OSBPL8: variants seen among roughly 807,000 people sequenced by gnomAD.
OSBPL8 encodes oxysterol-binding protein-related protein 8.
A neutral mutation model predicts 125.5 loss-of-function variants in OSBPL8; 59 were observed. The ratio of observed to expected loss-of-function variants is 0.47; its 90% CI spans 0.38 to 0.58. The LOEUF is 0.58. Ranked by LOEUF, OSBPL8 falls within the 20% of genes least tolerant of loss-of-function variation. OSBPL8 has a pLI of 0.00. For synonymous variants in OSBPL8, 330 were observed against 338.9 expected, an observed-to-expected ratio of 0.97 and a Z score of 0.29; for missense variants, 758 against 1,047.8, an observed-to-expected ratio of 0.72 and a Z score of 3.82.
chr12:76,457,247 A>T (rs1874167599), intron 3 of OSBPL8, among the ~76,000 whole-genome samples: 1 of 152,202 alleles, frequency 6.6e-6, no homozygotes, highest in Non-Finnish European at 1.5e-5. Flanking sequence ...TGTACTAGTT[A>T]ATGTTATGTA....
chr12:76,386,527 T>C, intron 13 of OSBPL8, 52 bp downstream of exon 13: 2 of 1,477,028 alleles, frequency 1.4e-6, no homozygotes, highest in Non-Finnish European at 1.8e-6. Context: ...ACATAAAATA[T>C]AAAGAATTCA....
At position 76,355,826 on chromosome 12, in the gene OSBPL8, T is replaced by C. The variant is rs1360934859; in HGVS notation, c.*63A>G. The C allele has an allele frequency of 1.3e-6, 2 of 1,544,156 alleles. No individual in the cohort carries two copies. Among genetic ancestry groups the C allele is most frequent in the Non-Finnish European group, 1.7e-6 (2 of 1,144,036 alleles). On this transcript the variant is annotated 3_prime_UTR_variant, in exon 24 of 24. Coordinates refer to ENST00000261183, the MANE Select transcript of OSBPL8 (RefSeq NM_020841.5). ...GATTTTTAATAAAGACCAAACCAAC[T>C]TGAACACTGGTCCCAGGCCAAATCA...
chr12:76,544,668 T>C (rs936237421), intron 1 of OSBPL8, among the ~76,000 whole-genome samples: 5 of 152,100 alleles, frequency 3.3e-5, no homozygotes, highest in Non-Finnish European at 5.9e-5. Context: ...TTAAGAAATG[T>C]AACAAATTTT....
chr12:76,388,607 A>C (rs939491779), intron 12 of OSBPL8, among the ~76,000 whole-genome samples: 1 of 152,194 alleles, frequency 6.6e-6, no homozygotes, highest in African/African-American at 2.4e-5. Context: ...AAACAACAAT[A>C]ACTTACTATA....
At chr12:76,359,552 A>C (rs1002504953) in intron 21 of OSBPL8, among the ~76,000 whole-genome samples, 5 of 152,348 alleles carry the variant, frequency 3.3e-5, no homozygotes, top group African/African-American at 1.2e-4. Context: ...AGAAACTAGA[A>C]TCAGAAAGAC....
intron 4 of OSBPL8, among the ~76,000 whole-genome samples, chr12:76,436,671 C>T (rs1194424869): frequency 5.9e-5 from 9 of 152,132 alleles, no homozygotes; most frequent in East Asian, 1.9e-4. Flanking sequence ...TGGTAGTATA[C>T]TCATTTTTTT....
At position 76,397,765 on chromosome 12, in the gene OSBPL8, G is replaced by A; in HGVS notation, c.601C>T (p.Arg201Cys). Residue 201 changes from arginine (R) to cysteine (C), a missense_variant, in exon 8 of 24, where the codon CGT (arginine) becomes TGT (cysteine). Coordinates refer to ENST00000261183, the MANE Select transcript of OSBPL8 (RefSeq NM_020841.5). ...VLLNACEIIE[R>C]PSKKDGFCFK... is the part of the protein sequence containing the mutation. ...CAAAAGCCATCCTTTTTTGATGGAC[G>A]TTCAATGATTTCACAGGCATTCAGA... The A allele has an allele frequency of 6.2e-7, 1 of 1,613,964 alleles. No homozygotes were observed. The highest frequency in any genetic ancestry group is 8.5e-7 in the Non-Finnish European group (1 of 1,179,952).
At chr12:76,541,532 T>C (rs1355695865) in intron 1 of OSBPL8, among the ~76,000 whole-genome samples, 1 of 151,946 alleles carries the variant, frequency 6.6e-6, no homozygotes, top group Non-Finnish European at 1.5e-5. Context: ...TGTAAATGCA[T>C]ACTGCTTCAA....
At chr12:76,487,021 AT>A (rs63178360) in intron 2 of OSBPL8, among the ~76,000 whole-genome samples, 1,026 of 101,866 alleles carry the variant, frequency 0.01, 4 homozygotes, top group Middle Eastern at 0.039. Flanking sequence ...TGCAATTTTC[AT>A]TTTTTTTTTT....
chr12:76,366,560 A>T, intron 21 of OSBPL8: 1 of 447,814 alleles, frequency 2.2e-6, no homozygotes, highest in Non-Finnish European at 4.5e-6. Context: ...TCTAATCTTC[A>T]TTATTTTCTT....
At chr12:76,487,763 T>C (rs1878311793) in intron 1 of OSBPL8, 145 bp from the exon 2 acceptor site, 3 of 406,322 alleles carry the variant, frequency 7.4e-6, no homozygotes, top group Admixed American at 4.4e-5. Context: ...TGACATGGGC[T>C]TGAAGAATGG....
intron 1 of OSBPL8, among the ~76,000 whole-genome samples, chr12:76,527,158 G>C (rs577343750): frequency 1.5e-4 from 23 of 148,748 alleles, no homozygotes; most frequent in African/African-American, 5.7e-4. Context: ...CAATGCAAAA[G>C]AATGTAAGGT....
chr12:76,528,722 A>G (rs980693664), intron 1 of OSBPL8, among the ~76,000 whole-genome samples: 3 of 152,124 alleles, frequency 2.0e-5, no homozygotes, highest in African/African-American at 7.2e-5. Flanking sequence ...TATTAGCTAT[A>G]GCTATAGCTA....
intron 16 of OSBPL8, among the ~76,000 whole-genome samples, chr12:76,377,071 C>T (rs1199953883): frequency 2.0e-5 from 3 of 152,054 alleles, no homozygotes; most frequent in African/African-American, 7.2e-5. Context: ...TGATGGTTTC[C>T]AGCTTCATCC....
chr12:76,534,903 AG>A (rs1454006605), intron 1 of OSBPL8, among the ~76,000 whole-genome samples: 1 of 152,236 alleles, frequency 6.6e-6, no homozygotes, highest in Non-Finnish European at 1.5e-5. Context: ...ACTGGGAAAA[AG>A]AAAATACTTT....
intron 4 of OSBPL8, among the ~76,000 whole-genome samples, chr12:76,421,081 A>T (rs1427886758): frequency 1.3e-5 from 2 of 152,064 alleles, no homozygotes; most frequent in African/African-American, 4.8e-5. Flanking sequence ...TCTATTGTTC[A>T]TCAAGGTCAC....
chr12:76,375,612 T>C (rs1418769542), intron 16 of OSBPL8, among the ~76,000 whole-genome samples: 4 of 152,050 alleles, frequency 2.6e-5, no homozygotes, highest in East Asian at 1.9e-4. Context: ...AAAATATCAA[T>C]ACCCACAGTA....
chr12:76,540,617 A>G (rs1322244488), intron 1 of OSBPL8, among the ~76,000 whole-genome samples: 1 of 151,738 alleles, frequency 6.6e-6, no homozygotes, highest in African/African-American at 2.4e-5. Context: ...AGCCAACTTA[A>G]TGAGTTTTTA....
At chr12:76,461,719 G>A (rs889056859) in intron 2 of OSBPL8, among the ~76,000 whole-genome samples, 4 of 152,144 alleles carry the variant, frequency 2.6e-5, no homozygotes, top group African/African-American at 9.7e-5. Flanking sequence ...TTACAGGCAT[G>A]AGCCACCGTG....
Sources: gnomAD v4.1 joint callset for allele counts (sites outside exome capture counted in the v4.1 genomes callset) on GRCh38, gnomAD v4.1.1 for gene constraint, MANE v1.5 for transcripts, NCBI Gene and HGNC (gene_info 2026-07-23, HGNC 2026-07-21) for gene names.